Variants in SGCE observed in about 807,000 individuals in gnomAD.
SGCE encodes the protein epsilon-sarcoglycan.
SGCE carries 26 observed loss-of-function variants against 57.8 expected under a neutral mutation model. The observed-to-expected ratio is 0.45, with a 90% CI of 0.33 to 0.62. The LOEUF (loss-of-function observed/expected upper bound fraction) is 0.62. SGCE is among the 20% of genes least tolerant of loss of function. The pLI is 0.02. For synonymous variants in SGCE, 183 were observed against 189.5 expected, an observed-to-expected ratio of 0.97 and a Z score of 0.28; for missense variants, 468 against 548.6, an observed-to-expected ratio of 0.85 and a Z score of 1.47.
intron 9 of SGCE, chr7:94,597,244 C>T (rs1003102489): frequency 6.6e-6 from 1 of 152,104 alleles, no homozygotes; most frequent in Non-Finnish European, 1.5e-5. Context: ...TTACCCACTA[C>T]CCATTACTTA....
rs529020172 is a variant in SGCE, at chr7:94,604,189, G to A, written c.663-737C>T. Among the ~76,000 whole-genome samples the A allele has an allele frequency of 2.6e-5, 4 of 152,124 alleles. No homozygotes were observed. The South Asian group carries it at 8.3e-4, about 32-fold the overall frequency. On this transcript the variant is annotated intron_variant, in intron 5 of 10. Transcript: ENST00000648936. ...GTGACAACAGTATTTAAATAATCTT[G>A]GAGCAGCTTGAGAAGATAGGAATCT...
intron 7 of SGCE, chr7:94,599,934 A>G (rs1798958899): frequency 2.5e-6 from 1 of 407,592 alleles, no homozygotes; most frequent in Non-Finnish European, 4.3e-6. Context: ...TAGAAAAATG[A>G]AAAAAATGGA....
intron 1 of SGCE, among the ~76,000 whole-genome samples, chr7:94,643,625 A>T (rs1806688990): frequency 6.6e-6 from 1 of 152,158 alleles, no homozygotes; most frequent in South Asian, 2.1e-4. Flanking sequence ...GCCACGAATG[A>T]TGTGCTTAAA....
intron 10 of SGCE, chr7:94,587,936 T>A: frequency 7.0e-7 from 1 of 1,426,002 alleles, no homozygotes; most frequent in Non-Finnish European, 9.1e-7. Context: ...AATGCCGCTA[T>A]TCATACTCAG....
intron 1 of SGCE, among the ~76,000 whole-genome samples, chr7:94,644,154 A>G (rs1205368074): frequency 6.6e-6 from 1 of 152,252 alleles, no homozygotes. Flanking sequence ...CAAGCTAAGA[A>G]GGCATTCACA....
chr7:94,595,073 G>T (rs1798203226), intron 9 of SGCE, among the ~76,000 whole-genome samples: 1 of 152,060 alleles, frequency 6.6e-6, no homozygotes. Context: ...TCTAATCTCA[G>T]TTCTGACCTA....
chr7:94,652,353 A>T (rs1808021511), intron 1 of SGCE, among the ~76,000 whole-genome samples: 1 of 152,234 alleles, frequency 6.6e-6, no homozygotes, highest in Non-Finnish European at 1.5e-5. Context: ...ATTAGCAAAA[A>T]AGAAAAAGGA....
chr7:94,603,555 A>C, intron 5 of SGCE, 103 bp from the exon 6 acceptor site: 1 of 1,051,278 alleles, frequency 9.5e-7, no homozygotes, highest in Non-Finnish European at 1.4e-6. Flanking sequence ...TTGAGAGATT[A>C]ACTAGACTCA....
At chr7:94,608,537 C>A (rs1375614568) in intron 5 of SGCE, among the ~76,000 whole-genome samples, 1 of 152,102 alleles carries the variant, frequency 6.6e-6, no homozygotes, top group Non-Finnish European at 1.5e-5. Context: ...CAATCATATT[C>A]TCAGCAAGTT....
At chr7:94,615,099 G>A (rs189695988) in intron 5 of SGCE, among the ~76,000 whole-genome samples, 25 of 152,308 alleles carry the variant, frequency 1.6e-4, no homozygotes, top group East Asian at 1.9e-4. Context: ...AGTAGCTCAC[G>A]CCTGTAAGCC....
intron 6 of SGCE, among the ~76,000 whole-genome samples, chr7:94,602,748 C>A (rs1799472999): frequency 6.6e-6 from 1 of 152,038 alleles, no homozygotes; most frequent in South Asian, 2.1e-4. Context: ...TGTTAACATG[C>A]AAATTAAAAT....
In SGCE at chr7:94,644,441, C is replaced by T. The variant is rs139158552; in HGVS notation, c.109+11549G>A. Among the ~76,000 whole-genome samples the T allele has an allele frequency of 8.4e-3, 1,282 of 152,224 alleles. 8 individuals carry two copies. The highest frequency in any genetic ancestry group is 0.013 in the Non-Finnish European group (868 of 67,998). On this transcript the variant is annotated intron_variant, in intron 1 of 10. Coordinates refer to ENST00000648936, the MANE Select transcript of SGCE (RefSeq NM_003919.3). ...TGCTGACTGGGGGAGGAGAGGATTG[C>T]TATTTAATAAAAGTAATTGAAGAGC...
chr7:94,652,572 T>C (rs1808053955), intron 1 of SGCE, among the ~76,000 whole-genome samples: 1 of 152,224 alleles, frequency 6.6e-6, no homozygotes, highest in Non-Finnish European at 1.5e-5. Flanking sequence ...CTTGAGGTTG[T>C]CGCTAACCAG....
chr7:94,632,228 T>G (rs1804826096), intron 1 of SGCE, among the ~76,000 whole-genome samples: 1 of 152,040 alleles, frequency 6.6e-6, no homozygotes, highest in Non-Finnish European at 1.5e-5. Flanking sequence ...TAAATAATAC[T>G]GAAATGATTC....
chr7:94,624,665 C>G (rs1387771229), intron 3 of SGCE: 1 of 154,662 alleles, frequency 6.5e-6, no homozygotes, highest in Non-Finnish European at 1.4e-5. Flanking sequence ...GTTTGAGAAA[C>G]TTAATCATTT....
chr7:94,605,417 T>C (rs73222134), intron 5 of SGCE, among the ~76,000 whole-genome samples: 6,155 of 152,158 alleles, frequency 0.04, 187 homozygotes, highest in East Asian at 0.11. Context: ...GATAACTTGT[T>C]TAAAATAATA....
intron 5 of SGCE, among the ~76,000 whole-genome samples, chr7:94,611,935 CA>C (rs1801109406): frequency 6.6e-6 from 1 of 152,034 alleles, no homozygotes; most frequent in Admixed American, 6.6e-5. Flanking sequence ...AAATTCAGAA[CA>C]AAAGTAGAGA....
Position 94,596,386 on chromosome 7 carries a change from A to G in SGCE, c.1253+2389T>C, listed in dbSNP as rs573709227. Among the ~76,000 whole-genome samples, 5 of 152,272 alleles carry G rather than the reference A, an allele frequency of 3.3e-5. No homozygotes were observed. The South Asian group carries it at 8.3e-4, about 25-fold the overall frequency. ...TCCGCTCTTAAATTTCACTAGCAAT[A>G]GAGTTTTATTGATTTACAAACATAT... is the stretch of plus-strand genomic sequence containing the variant. On this transcript the variant is annotated intron_variant, in intron 9 of 10. Transcript: ENST00000648936.
At chr7:94,648,898 C>A (rs1182783496) in intron 1 of SGCE, among the ~76,000 whole-genome samples, 1 of 152,146 alleles carries the variant, frequency 6.6e-6, no homozygotes, top group Non-Finnish European at 1.5e-5. Flanking sequence ...TACTGTGATC[C>A]CTTCTTTCAA....
Sources: allele counts gnomAD v4.1 joint callset (sites outside exome capture counted in the v4.1 genomes callset), GRCh38; gene constraint gnomAD v4.1.1; transcripts MANE v1.5; gene names NCBI Gene and HGNC (gene_info 2026-07-23, HGNC 2026-07-21).